The following RPTOR variants were observed in gnomAD, a reference collection of about 807,000 sequenced individuals.
The protein encoded by RPTOR is regulatory-associated protein of mTOR.
In RPTOR, 21 loss-of-function variants were observed where a neutral mutation model predicts 169.9. The ratio of observed to expected loss-of-function variants is 0.12; its 90% CI spans 0.09 to 0.18. The LOEUF is 0.18. Among genes scored for constraint, RPTOR ranks in the 10% least tolerant of loss-of-function variants. RPTOR has a pLI of 1.00. For missense variants in RPTOR, 1,133 were observed against 1,855.9 expected (o/e 0.61, Z 7.16); for synonymous variants, 732 against 753.2 (o/e 0.97, Z 0.46).
At chr17:80,641,260 A>C (rs368543227) in intron 2 of RPTOR, among the ~76,000 whole-genome samples, 2 of 152,186 alleles carry the variant, frequency 1.3e-5, no homozygotes, top group African/African-American at 4.8e-5. Context: ...ATTTACCACA[A>C]TTCTTCCAGA....
intron 1 of RPTOR, among the ~76,000 whole-genome samples, chr17:80,595,543 C>T (rs1325017881): frequency 6.6e-6 from 1 of 152,218 alleles, no homozygotes; most frequent in East Asian, 1.9e-4. Context: ...GCAGCCTCAA[C>T]CTCCTGGGCT....
intron 7 of RPTOR, 75 bp from the exon 8 acceptor site, chr17:80,822,126 T>A: frequency 6.8e-7 from 1 of 1,474,066 alleles, no homozygotes; most frequent in Non-Finnish European, 9.5e-7. Flanking sequence ...CGCGCCCTTT[T>A]TTCTTGCAAC....
At position 80,604,565 on chromosome 17, in the gene RPTOR, G is replaced by C. The variant is rs1291549894; in HGVS notation, c.163-21126G>C. Among the ~76,000 whole-genome samples, 3 of 152,290 alleles carry C rather than the reference G, an allele frequency of 2.0e-5. No homozygotes were observed. The East Asian group carries it at 5.8e-4, about 29-fold the overall frequency. On this transcript the variant is annotated intron_variant, in intron 1 of 33. Transcript: ENST00000306801. ...TTGGTCCAGAAGGTAAAATCCTCCT[G>C]TATTAGTCTGTTCTCACGCCGCTAA... is the stretch of plus-strand genomic sequence containing the variant.
At chr17:80,586,151 ATTGT>A (rs1384050956) in intron 1 of RPTOR, among the ~76,000 whole-genome samples, 1 of 151,960 alleles carries the variant, frequency 6.6e-6, no homozygotes, top group Non-Finnish European at 1.5e-5. Context: ...CATAGATTTA[ATTGT>A]TTGGTTCAAC....
chr17:80,961,769 G>A (rs1028309087), intron 31 of RPTOR: 6 of 393,842 alleles, frequency 1.5e-5, no homozygotes, highest in East Asian at 1.3e-4. Context: ...CTCCCTCCAC[G>A]GGCAGGGGTG....
In RPTOR at chr17:80,861,421, C is replaced by T. The variant is rs530613223; in HGVS notation, c.1509+3521C>T. On this transcript the variant is annotated intron_variant, in intron 13 of 33. Coordinates refer to ENST00000306801, the MANE Select transcript of RPTOR (RefSeq NM_020761.3). This position sits in a 1 kb window ranked among gnomAD's most constrained non-coding sequence, Gnocchi z 4.5. ...GAAAGCTTGGCTTTGTGGATCAGGA[C>T]GCGAGAGGTGTGGGTCATTTCTATT... Among the ~76,000 whole-genome samples, 6 of 145,002 alleles carry T rather than the reference C, an allele frequency of 4.1e-5. 1 individual carries two copies. The highest frequency in any genetic ancestry group is 2.2e-4 in the South Asian group (1 of 4,478).
At chr17:80,742,220 A>C (rs2066488447) in intron 5 of RPTOR, among the ~76,000 whole-genome samples, 1 of 152,054 alleles carries the variant, frequency 6.6e-6, no homozygotes, top group Non-Finnish European at 1.5e-5. Context: ...AATGGGAGTA[A>C]CCTGGCAGAG....
chr17:80,683,293 T>C (rs1176416321), intron 3 of RPTOR, among the ~76,000 whole-genome samples: 3 of 152,204 alleles, frequency 2.0e-5, no homozygotes, highest in Admixed American at 2.0e-4. Context: ...GTTTTCCTCC[T>C]GTCTTCTCCC....
intron 7 of RPTOR, among the ~76,000 whole-genome samples, chr17:80,811,916 A>G (rs866237608): frequency 6.9e-4 from 78 of 113,518 alleles, no homozygotes; most frequent in Non-Finnish European, 8.7e-4. Flanking sequence ...CTGTACCCAC[A>G]GGACACAGCC....
At chr17:80,728,250 A>ACTGTGTAC (rs1567878392) in intron 4 of RPTOR, among the ~76,000 whole-genome samples, 1 of 152,226 alleles carries the variant, frequency 6.6e-6, no homozygotes, top group Non-Finnish European at 1.5e-5. Flanking sequence ...TCTGTCATGT[A>ACTGTGTAC]CTGTGTACCT....
At chr17:80,923,764 C>T (rs2068776567) in intron 23 of RPTOR, 91 bp downstream of exon 23, 1 of 1,338,846 alleles carries the variant, frequency 7.5e-7, no homozygotes, top group East Asian at 2.5e-5. Context: ...CTGCTCACAT[C>T]ACCATGGGAT....
rs1036168618 is a variant in RPTOR, at chr17:80,562,741, G to A, written c.162+16950G>A. Among the ~76,000 whole-genome samples, 17 of 52,170 alleles carry A rather than the reference G, an allele frequency of 3.3e-4. No homozygotes were observed. Among genetic ancestry groups the A allele is most frequent in the African/African-American group, 6.8e-4 (8 of 11,786 alleles). 34.2% of individuals were successfully genotyped at this position (52,170 alleles called of 152,430 possible). A position where few individuals can be genotyped will look rare whatever the true frequency, so the allele number is the denominator to read the frequency against. ...AGAGGTTGCAGTGAGCTGAGACTGCGCCACTGCACCCCATCCTGGCAACAG... is the reference window on the plus strand; with the variant it reads ...AGAGGTTGCAGTGAGCTGAGACTGCACCACTGCACCCCATCCTGGCAACAG... On this transcript the variant is annotated intron_variant, in intron 1 of 33. Coordinates refer to ENST00000306801, the MANE Select transcript of RPTOR (RefSeq NM_020761.3). This position sits in a 1 kb window ranked among gnomAD's most constrained non-coding sequence, Gnocchi z 4.4.
At chr17:80,555,921 G>A (rs1014022620) in intron 1 of RPTOR, among the ~76,000 whole-genome samples, 2 of 152,036 alleles carry the variant, frequency 1.3e-5, no homozygotes, top group Non-Finnish European at 2.9e-5. Flanking sequence ...GTGGAGAGGA[G>A]TTGTGCTAAT....
chr17:80,674,401 C>G (rs1439652007), intron 3 of RPTOR, among the ~76,000 whole-genome samples: 1 of 152,126 alleles, frequency 6.6e-6, no homozygotes, highest in Non-Finnish European at 1.5e-5. Context: ...AAGTTACACT[C>G]AGCACTTTCA....
At chr17:80,546,845 G>C (rs766112282) in intron 1 of RPTOR, among the ~76,000 whole-genome samples, 3 of 152,152 alleles carry the variant, frequency 2.0e-5, no homozygotes, top group Non-Finnish European at 4.4e-5. Context: ...AAGGCAGGCG[G>C]ATCACCTGAG....
intron 21 of RPTOR, among the ~76,000 whole-genome samples, chr17:80,921,935 A>G (rs11653064): frequency 0.35 from 52,713 of 152,086 alleles, 9,265 homozygotes; most frequent in East Asian, 0.48. Flanking sequence ...CGCCCGTGGG[A>G]AAGGATGACC....
In RPTOR at chr17:80,823,917, A is replaced by C. The variant is rs573275060; in HGVS notation, c.1136+694A>C. Among the ~76,000 whole-genome samples, 2 of 152,254 alleles carry C rather than the reference A, an allele frequency of 1.3e-5. No homozygotes were observed. Among genetic ancestry groups the C allele is most frequent in the African/African-American group, 4.8e-5 (2 of 41,464 alleles). On this transcript the variant is annotated intron_variant, in intron 9 of 33. Coordinates refer to ENST00000306801, the MANE Select transcript of RPTOR (RefSeq NM_020761.3). The surrounding 1 kb of genome is among the most constrained non-coding windows in gnomAD (Gnocchi z 4.5). ...AAAGGAAAAATATTTCTGTTCATCA[A>C]TGGGAGAAACCCTAACAACACAAAT...
intron 3 of RPTOR, among the ~76,000 whole-genome samples, chr17:80,702,970 A>C (rs1271985741): frequency 6.6e-6 from 1 of 152,210 alleles, no homozygotes; most frequent in Non-Finnish European, 1.5e-5. Flanking sequence ...AGCAGGAGGC[A>C]CTTGACAATT....
At chr17:80,681,250 C>G (rs939153660) in intron 3 of RPTOR, among the ~76,000 whole-genome samples, 6 of 152,142 alleles carry the variant, frequency 3.9e-5, no homozygotes, top group African/African-American at 1.4e-4. Context: ...ATCGATAACT[C>G]CTAGGAAAAG....
Sources: allele counts gnomAD v4.1 joint callset (sites outside exome capture counted in the v4.1 genomes callset), GRCh38; gene constraint gnomAD v4.1.1; non-coding constraint Gnocchi (gnomAD v3.1); transcripts MANE v1.5; gene names NCBI Gene and HGNC (gene_info 2026-07-23, HGNC 2026-07-21).